The following ARHGAP20 variants were observed in gnomAD, a reference collection of about 807,000 sequenced individuals.
ARHGAP20 encodes rho GTPase-activating protein 20.
ARHGAP20 carries 34 observed loss-of-function variants against 73.7 expected under a neutral mutation model. That is an observed-to-expected ratio of 0.46 (90% confidence interval 0.35 to 0.61). The LOEUF (loss-of-function observed/expected upper bound fraction) is 0.61. Ranked by LOEUF, ARHGAP20 falls within the 20% of genes least tolerant of loss-of-function variation. ARHGAP20 has a pLI of 0.00. For missense variants in ARHGAP20, 1,314 were observed against 1,420.9 expected (o/e 0.92, Z 1.21); for synonymous variants, 523 against 518.2 (o/e 1.01, Z -0.13).
intron 1 of ARHGAP20, among the ~76,000 whole-genome samples, chr11:110,694,222 A>G (rs1481388339): frequency 2.0e-5 from 3 of 151,868 alleles, no homozygotes; most frequent in Non-Finnish European, 4.4e-5. Flanking sequence ...AATGAGGAGG[A>G]GAATGGAAGA....
At chr11:110,658,181 T>C (rs1949515147) in intron 2 of ARHGAP20, among the ~76,000 whole-genome samples, 1 of 152,140 alleles carries the variant, frequency 6.6e-6, no homozygotes, top group African/African-American at 2.4e-5. Context: ...GTTGTGAGGA[T>C]TAAATGAGAT....
rs796878461 is a variant in ARHGAP20 at position 110,707,973 on chromosome 11, GA to G, written c.105+4153del. The stretch of plus-strand genomic sequence containing the variant: ...GTTGATTATAATTAAGAAGCTTACA[GA>G]AAAAAAAAATGACAAATTGTATTTC... On this transcript the variant is annotated intron_variant, in intron 1 of 14. Coordinates refer to ENST00000683387, the MANE Select transcript of ARHGAP20 (RefSeq NM_001384657.1). Among the ~76,000 whole-genome samples the G allele has an allele frequency of 2.4e-3, 351 of 144,430 alleles. 1 individual carries two copies. Among genetic ancestry groups the G allele is most frequent in the African/African-American group, 7.7e-3 (304 of 39,588 alleles). 94.8% of individuals were successfully genotyped at this position (144,430 alleles called of 152,430 possible).
At chr11:110,616,838 A>G (rs1388576778) in intron 4 of ARHGAP20, among the ~76,000 whole-genome samples, 1 of 152,204 alleles carries the variant, frequency 6.6e-6, no homozygotes, top group Non-Finnish European at 1.5e-5. Flanking sequence ...AGAAACAGAT[A>G]AGAGCTTTGC....
chr11:110,586,121 T>G (rs183567615), intron 12 of ARHGAP20, 95 bp downstream of exon 12: 1 of 600,198 alleles, frequency 1.7e-6, no homozygotes, highest in African/African-American at 1.9e-5. Context: ...CTGGTCCACA[T>G]GGATATGACT....
intron 1 of ARHGAP20, among the ~76,000 whole-genome samples, chr11:110,700,909 G>C (rs1950436002): frequency 6.6e-6 from 1 of 151,474 alleles, no homozygotes; most frequent in Admixed American, 6.6e-5. Flanking sequence ...TCCCTACAAA[G>C]GACATGAACT....
chr11:110,690,591 T>G lies in ARHGAP20; in HGVS notation c.144A>C (p.Pro48=). The G allele has an allele frequency of 6.2e-7, 1 of 1,614,112 alleles. No homozygotes were observed. Among genetic ancestry groups the G allele is most frequent in the South Asian group, 1.1e-5 (1 of 91,082 alleles). Residue 48 remains proline, a synonymous_variant, in exon 2 of 15, where the codon CCA becomes CCC. Transcript: ENST00000683387. ...GTAGGGCTTTATCCAGGATAAGAGA[T>G]GGAGCGCTCCTCCTCCTTTCTGCTA... ...KTLAERRRSA[P]SLILDKALQK...
chr11:110,614,571 T>A lies in ARHGAP20; in HGVS notation c.620A>T (p.Asn207Ile), dbSNP rs772480318. The change falls in exon 6 of 15, where the codon AAT becomes ATT. Residue 207 changes from asparagine to isoleucine, a missense_variant. Physicochemically the swap from Asn to Ile is moderately radical, Grantham distance 149. Transcript: ENST00000683387. ...PLKIFAKDIG[N>I]CAYSKTITVM... ...CTTAGAAACACTTACGTAGGCACAA[T>A]TCCCAATGTCCTTGGCGAAGATTTT... 1 of 1,613,082 alleles carries A rather than the reference T, an allele frequency of 6.2e-7. No individual in the cohort carries two copies. The highest frequency in any genetic ancestry group is 8.5e-7 in the Non-Finnish European group (1 of 1,179,234).
chr11:110,591,920 A>C lies in ARHGAP20; in HGVS notation c.1143+57T>G. 8 of 1,559,254 alleles carry C rather than the reference A, an allele frequency of 5.1e-6. No homozygotes were observed. The East Asian group carries it at 1.8e-4, about 35-fold the overall frequency. ...ATTTGGGGACAGATTTACCTCGCAG[A>C]GCTCTCCTTTCCCAAACACCCTTTC... On this transcript the variant is annotated intron_variant, in intron 10 of 14. Coordinates refer to ENST00000683387, the MANE Select transcript of ARHGAP20 (RefSeq NM_001384657.1).
At chr11:110,588,358 A>T (rs568330839) in intron 11 of ARHGAP20, among the ~76,000 whole-genome samples, 6 of 152,342 alleles carry the variant, frequency 3.9e-5, no homozygotes, top group African/African-American at 1.2e-4. Context: ...TCAAAGTTAT[A>T]GTGTCTTCAG....
intron 2 of ARHGAP20, among the ~76,000 whole-genome samples, chr11:110,660,220 T>G (rs747631365): frequency 2.5e-4 from 38 of 152,134 alleles, no homozygotes; most frequent in Non-Finnish European, 5.1e-4. Flanking sequence ...TCGGCGTTTC[T>G]AACTTGTTCC....
intron 4 of ARHGAP20, among the ~76,000 whole-genome samples, chr11:110,616,940 CAT>C (rs1948497359): frequency 6.6e-6 from 1 of 151,892 alleles, no homozygotes; most frequent in East Asian, 1.9e-4. Flanking sequence ...AAATAAAAGA[CAT>C]ATAGAGAAAA....
Position 110,603,087 on chromosome 11 carries a change from T to C in ARHGAP20, c.964+3474A>G, listed in dbSNP as rs568490417. On this transcript the variant is annotated intron_variant, in intron 9 of 14. Coordinates refer to ENST00000683387, the MANE Select transcript of ARHGAP20 (RefSeq NM_001384657.1). ...TTGATCAGTGGTACTACCTGAAAAA[T>C]ATGGAAATCTATCAAGTGTTACTGG... 4.6e-5 allele frequency among the ~76,000 whole-genome samples: 7 copies of C among 152,316 alleles called. No individual in the cohort carries two copies. The South Asian group carries it at 1.4e-3, about 32-fold the overall frequency.
intron 2 of ARHGAP20, among the ~76,000 whole-genome samples, chr11:110,687,774 A>G (rs1950164689): frequency 6.6e-6 from 1 of 152,224 alleles, no homozygotes; most frequent in Non-Finnish European, 1.5e-5. Flanking sequence ...TTAATAAAGT[A>G]TGTATTTCAA....
chr11:110,583,708 A>T lies in ARHGAP20; in HGVS notation c.1445T>A (p.Val482Asp). Residue 482 changes from valine (V) to aspartate (D), a missense_variant, in exon 13 of 15, where the codon GTT becomes GAT. Physicochemically the swap from Val to Asp is radical, Grantham distance 152 (BLOSUM62 -3). Around this residue, in one of 3 missense-constraint regions of ARHGAP20, gnomAD observed 230 missense variants for 317.6 expected, o/e 0.72. Coordinates refer to ENST00000683387, the MANE Select transcript of ARHGAP20 (RefSeq NM_001384657.1). ...CCCAAAAAGATACCTTAGGAGAACAACATTGGCTCTCGGAAGCTGGTCTAA... is the reference window on the plus strand; with the variant it reads ...CCCAAAAAGATACCTTAGGAGAACATCATTGGCTCTCGGAAGCTGGTCTAA... Reference protein sequence around the residue: ...RLLDQLPRANVVLLRYLFGVL... With the variant: ...RLLDQLPRANDVLLRYLFGVL... 6.3e-7 allele frequency: 1 copy of T among 1,593,372 alleles called. No homozygotes were observed. The highest frequency in any genetic ancestry group is 2.2e-5 in the East Asian group (1 of 44,492).
intron 3 of ARHGAP20, 58 bp downstream of exon 3, chr11:110,630,570 T>A: frequency 1.3e-6 from 2 of 1,513,726 alleles, no homozygotes; most frequent in Admixed American, 3.6e-5. Context: ...AGAAAGGGTA[T>A]CTTTGTTAGT....
At chr11:110,687,461 A>T (rs1950159736) in intron 2 of ARHGAP20, among the ~76,000 whole-genome samples, 1 of 152,188 alleles carries the variant, frequency 6.6e-6, no homozygotes, top group Non-Finnish European at 1.5e-5. Context: ...AAGAAGTGAT[A>T]GGGAGGCAGT....
At chr11:110,586,138 G>A (rs745491809) in intron 12 of ARHGAP20, 78 bp downstream of exon 12, 2 of 717,726 alleles carry the variant, frequency 2.8e-6, no homozygotes, top group African/African-American at 1.9e-5. Context: ...GACTTTGATA[G>A]CTGTCATTAT....
At chr11:110,637,292 C>T (rs139775248) in intron 2 of ARHGAP20, among the ~76,000 whole-genome samples, 16 of 152,072 alleles carry the variant, frequency 1.1e-4, no homozygotes, top group South Asian at 4.1e-4. Flanking sequence ...TTAGAGATTA[C>T]GATAACAAGT....
chr11:110,698,644 G>C (rs1422333539), intron 1 of ARHGAP20, among the ~76,000 whole-genome samples: 1 of 151,762 alleles, frequency 6.6e-6, no homozygotes, highest in Non-Finnish European at 1.5e-5. Flanking sequence ...GCTCAATCAT[G>C]CAGGGTTTTA....
Sources: allele counts gnomAD v4.1 joint callset (sites outside exome capture counted in the v4.1 genomes callset), GRCh38; gene constraint gnomAD v4.1.1; regional missense constraint gnomAD v4.1.1; transcripts MANE v1.5; gene names NCBI Gene and HGNC (gene_info 2026-07-23, HGNC 2026-07-21).